Variants in PIK3C2B observed in about 807,000 individuals in gnomAD.
PIK3C2B encodes phosphatidylinositol-4-phosphate 3-kinase catalytic subunit type 2 beta, also known as phosphatidylinositol 4-phosphate 3-kinase C2 domain-containing subunit beta.
In PIK3C2B, 83 loss-of-function variants were observed where a neutral mutation model predicts 184.3. That is an observed-to-expected ratio of 0.45 (90% CI 0.38 to 0.54). The LOEUF (loss-of-function observed/expected upper bound fraction) is 0.54, where lower values mean the gene tolerates loss of function less well. Ranked by LOEUF, PIK3C2B falls within the 20% of genes least tolerant of loss-of-function variation. The pLI, the probability that PIK3C2B is intolerant of heterozygous loss-of-function variation, is 0.00. For synonymous variants in PIK3C2B, 779 were observed against 837.6 expected, an observed-to-expected ratio of 0.93 and a Z score of 1.21; for missense variants, 1,736 against 2,113.5, an observed-to-expected ratio of 0.82 and a Z score of 3.50.
At chr1:204,438,822 C>T in intron 23 of PIK3C2B, 113 bp downstream of exon 23, 4 of 1,223,088 alleles carry the variant, frequency 3.3e-6, no homozygotes, top group Non-Finnish European at 4.5e-6. Context: ...GGTCCTTCTG[C>T]CAACAAAGCT....
intron 12 of PIK3C2B, among the ~76,000 whole-genome samples, chr1:204,450,652 CAGTGGTG>C (rs1654271824): frequency 6.6e-6 from 1 of 152,154 alleles, no homozygotes; most frequent in Non-Finnish European, 1.5e-5. Flanking sequence ...CCAAGTACCC[CAGTGGTG>C]AGAAAGCCAA....
intron 12 of PIK3C2B, among the ~76,000 whole-genome samples, chr1:204,452,931 A>G (rs1654499898): frequency 6.6e-6 from 1 of 152,006 alleles, no homozygotes; most frequent in Non-Finnish European, 1.5e-5. Context: ...GTACGGTGAG[A>G]CTACAGGTGT....
intron 2 of PIK3C2B, among the ~76,000 whole-genome samples, chr1:204,467,923 A>C (rs769247261): frequency 9.2e-5 from 14 of 152,020 alleles, no homozygotes; most frequent in Non-Finnish European, 1.6e-4. Flanking sequence ...ACCAAGGATG[A>C]AACACAAATA....
chr1:204,434,710 C>A lies in PIK3C2B; in HGVS notation c.3517-102G>T. 5.8e-6 allele frequency: 5 copies of A among 866,596 alleles called. 1 individual carries two copies. In the South Asian group the frequency reaches 8.8e-5, roughly 15 times the overall value. The allele number at this position is 866,596 out of a possible 1,614,324, so 53.7% of individuals were successfully genotyped here. A position where few individuals can be genotyped will look rare whatever the true frequency, so the allele number is the denominator to read the frequency against. On this transcript the variant is annotated intron_variant, in intron 23 of 32. Transcript: ENST00000684373. ...GAACTCAGCCAGCCCTGGCCTCTCTCTCTTCTGTGAACCCCAATAGTGTCT... is the reference window on the plus strand; with the variant it reads ...GAACTCAGCCAGCCCTGGCCTCTCTATCTTCTGTGAACCCCAATAGTGTCT...
chr1:204,477,480 A>T (rs765932575), intron 1 of PIK3C2B, among the ~76,000 whole-genome samples: 1 of 152,230 alleles, frequency 6.6e-6, no homozygotes, highest in Non-Finnish European at 1.5e-5. Context: ...TCAGTCTCAC[A>T]GCTGCCCACA....
intron 28 of PIK3C2B, 45 bp downstream of exon 28, chr1:204,431,624 C>G: frequency 6.2e-7 from 1 of 1,612,072 alleles, no homozygotes; most frequent in Admixed American, 1.7e-5. Flanking sequence ...TATCCTTTCC[C>G]CCTCCCCGAC....
rs775431284 is a variant in PIK3C2B at position 204,465,306 on chromosome 1, G to A, written c.947C>T (p.Pro316Leu). The change falls in exon 3 of 33, where the codon CCC (proline) becomes CTC (leucine). Residue 316 changes from proline to leucine, a missense_variant. This residue lies in a region of PIK3C2B where 404 missense variants were observed against 418.0 expected (regional missense o/e 0.97). Coordinates refer to ENST00000684373, the MANE Select transcript of PIK3C2B (RefSeq NM_001377334.1). ...CTCATGGCCATTGGCAACAGTGTGG[G>A]GCCGGGAGCCCACCTTTAAGAGAAG... ...RISAAPVGSR[P>L]HTVANGHELF... 5 of 1,612,318 alleles carry A rather than the reference G, an allele frequency of 3.1e-6. No homozygotes were observed. Among genetic ancestry groups the A allele is most frequent in the Middle Eastern group, 1.6e-4 (1 of 6,080 alleles).
intron 20 of PIK3C2B, among the ~76,000 whole-genome samples, chr1:204,441,764 T>C (rs1360384632): frequency 6.6e-6 from 1 of 152,200 alleles, no homozygotes; most frequent in African/African-American, 2.4e-5. Flanking sequence ...ATTCAGTTTG[T>C]TATGACCTCA....
In PIK3C2B at chr1:204,431,657, G is replaced by A; in HGVS notation, c.4280+12C>T. The A allele has an allele frequency of 6.2e-7, 1 of 1,613,864 alleles. No homozygotes were observed. The highest frequency in any genetic ancestry group is 8.5e-7 in the Non-Finnish European group (1 of 1,180,016). On this transcript the variant is annotated intron_variant, in intron 28 of 32. Transcript: ENST00000684373. ...GACATCCCTCTGTGCAGATAGTAAAGGGGGCAGCTACCTGGGCAAGTGGGA... is the reference window on the plus strand; with the variant it reads ...GACATCCCTCTGTGCAGATAGTAAAAGGGGCAGCTACCTGGGCAAGTGGGA...
intron 31 of PIK3C2B, 80 bp downstream of exon 31, chr1:204,427,568 G>A (rs185533233): frequency 2.5e-5 from 22 of 871,710 alleles, no homozygotes; most frequent in Middle Eastern, 4.4e-4. Flanking sequence ...CATATGACAC[G>A]CGGCAGAGAA....
intron 31 of PIK3C2B, among the ~76,000 whole-genome samples, chr1:204,426,797 T>C (rs374232953): frequency 2.2e-3 from 342 of 152,250 alleles, no homozygotes; most frequent in African/African-American, 7.3e-3. Flanking sequence ...TGCCCCAACC[T>C]ACATAAAATG....
At chr1:204,449,405 A>C in intron 13 of PIK3C2B, 109 bp from the exon 14 acceptor site, 1 of 777,044 alleles carries the variant, frequency 1.3e-6, no homozygotes, top group Non-Finnish European at 2.2e-6. Context: ...CCATCATCCA[A>C]CTCCCCTCTC....
chr1:204,489,767 C>CTA (rs1307516046), intron 1 of PIK3C2B: 3 of 395,966 alleles, frequency 7.6e-6, no homozygotes, highest in African/African-American at 2.1e-5. Context: ...ATCATTACTA[C>CTA]TATCTGGGCT....
At chr1:204,481,760 T>C (rs1282771173) in intron 1 of PIK3C2B, among the ~76,000 whole-genome samples, 1 of 152,036 alleles carries the variant, frequency 6.6e-6, no homozygotes, top group East Asian at 1.9e-4. Flanking sequence ...ACAAGAGCCC[T>C]CTCCCAAATG....
Position 204,460,564 on chromosome 1 carries a change from C to T in PIK3C2B, c.1408G>A (p.Asp470Asn). 1 of 1,613,868 alleles carries T rather than the reference C, an allele frequency of 6.2e-7. No homozygotes were observed. Among genetic ancestry groups the T allele is most frequent in the East Asian group, 2.2e-5 (1 of 44,886 alleles). Residue 470 changes from aspartate to asparagine, a missense_variant, in exon 6 of 33, where the codon GAC becomes AAC. Coordinates refer to ENST00000684373, the MANE Select transcript of PIK3C2B (RefSeq NM_001377334.1). ...CTCACACGAACCGTCCGGGCCAGGT[C>T]ACTGCGCACAACCTTCTGCTCCATC... ...QLMEQKVVRS[D>N]LARTVNDDQS...
At chr1:204,475,720 A>G (rs114024342) in intron 1 of PIK3C2B, among the ~76,000 whole-genome samples, 1,871 of 152,280 alleles carry the variant, frequency 0.012, 47 homozygotes, top group African/African-American at 0.041. Context: ...AGTCACAGGA[A>G]AGAGAAGGAA....
chr1:204,431,497 T>C (rs1311562968), intron 28 of PIK3C2B, 172 bp downstream of exon 28: 2 of 726,602 alleles, frequency 2.8e-6, no homozygotes, highest in East Asian at 2.7e-5. Context: ...CAAGGAGAGC[T>C]TGGCCAGCAG....
chr1:204,445,937 G>A lies in PIK3C2B; in HGVS notation c.2678+19C>T. The A allele has an allele frequency of 6.8e-7, 1 of 1,473,924 alleles. No individual in the cohort carries two copies. Among genetic ancestry groups the A allele is most frequent in the South Asian group, 1.4e-5 (1 of 70,678 alleles). The allele number at this position is 1,473,924 out of a possible 1,614,324, so 91.3% of individuals were successfully genotyped here. A position where few individuals can be genotyped will look rare whatever the true frequency, so the allele number is the denominator to read the frequency against. The stretch of plus-strand genomic sequence containing the variant: ...TCTACAAGAACACATAGTCAGAAAA[G>A]GCAGATGTTACAACTCACGTGGCAT... On this transcript the variant is annotated intron_variant, in intron 16 of 32. Coordinates refer to ENST00000684373, the MANE Select transcript of PIK3C2B (RefSeq NM_001377334.1).
rs921455509 is a variant in PIK3C2B, at chr1:204,442,529, G to C, written c.3153C>G (p.Pro1051=). ...SPSLLVKGIV[P]RDCSYFNSNA... is the part of the protein sequence containing the mutation. ...CCCAAACCTACCAGTCACTCACCCT[G>C]GGCACAATTCCCTTAACCAGCAGAC... is the stretch of plus-strand genomic sequence containing the variant. Residue 1051 remains proline (P), a synonymous_variant, in exon 20 of 33, where the codon CCC becomes CCG. Transcript: ENST00000684373. 1 of 1,550,050 alleles carries C rather than the reference G, an allele frequency of 6.5e-7. No individual in the cohort carries two copies. Among genetic ancestry groups the C allele is most frequent in the Non-Finnish European group, 8.7e-7 (1 of 1,145,080 alleles).
Sources: gnomAD v4.1 joint callset for allele counts (sites outside exome capture counted in the v4.1 genomes callset) on GRCh38, gnomAD v4.1.1 for gene constraint, gnomAD v4.1.1 regional missense constraint, MANE v1.5 for transcripts, NCBI Gene and HGNC (gene_info 2026-07-23, HGNC 2026-07-21) for gene names.